Variants in LRRC56 observed in about 807,000 individuals in gnomAD.
LRRC56 encodes leucine-rich repeat-containing protein 56.
A neutral mutation model predicts 47.8 loss-of-function variants in LRRC56; 41 were observed. The ratio of observed to expected loss-of-function variants is 0.86; its 90% CI spans 0.67 to 1.11. The LOEUF (loss-of-function observed/expected upper bound fraction) is 1.11. LRRC56 is among the 50% of genes most tolerant of loss of function. The pLI is 0.00. For missense variants in LRRC56, 759 were observed against 704.2 expected, an observed-to-expected ratio of 1.08 and a Z score of -0.88; for synonymous variants, 387 against 311.2, an observed-to-expected ratio of 1.24 and a Z score of -2.56.
upstream of LRRC56, chr11:535,655 C>T (rs1346398405): frequency 6.6e-6 from 1 of 152,052 alleles, no homozygotes; most frequent in African/African-American, 2.4e-5. Context: ...CCCGCCCCAC[C>T]CCGGTTGGCT....
the LRRC56 span, among the ~76,000 whole-genome samples, chr11:508,868 A>AC: frequency 6.6e-6 from 1 of 150,728 alleles, no homozygotes; most frequent in Non-Finnish European, 1.5e-5. Flanking sequence ...AGATGATGAA[A>AC]CCCCATCTCT....
In LRRC56 at chr11:550,154, G is replaced by A. The variant is rs1271627313; in HGVS notation, c.506G>A (p.Gly169Asp). Reference protein sequence around the residue: ...LEQLEVLDLEGNSVEDLGQVR... With the variant: ...LEQLEVLDLEDNSVEDLGQVR... The stretch of plus-strand genomic sequence containing the variant: ...CAATTGGAGGTGCTGGACCTGGAGG[G>A]CAACAGCGTGGAGGACCTGGGGCAG... Residue 169 changes from glycine to aspartate, a missense_variant, in exon 8 of 14, where the codon GGC becomes GAC. Coordinates refer to ENST00000270115, the MANE Select transcript of LRRC56 (RefSeq NM_198075.4). 6.2e-7 allele frequency: 1 copy of A among 1,613,490 alleles called. No homozygotes were observed. Among genetic ancestry groups the A allele is most frequent in the African/African-American group, 1.3e-5 (1 of 75,040 alleles).
chr11:513,574 G>A, the LRRC56 span, among the ~76,000 whole-genome samples: 1 of 152,170 alleles, frequency 6.6e-6, no homozygotes, highest in Non-Finnish European at 1.5e-5. Context: ...GATAGGGTTC[G>A]AGAGGATTTT....
At chr11:530,472 G>T in the LRRC56 span, among the ~76,000 whole-genome samples, 1 of 138,634 alleles carries the variant, frequency 7.2e-6, no homozygotes, top group Non-Finnish European at 1.6e-5. Context: ...TGGAGAGAAG[G>T]GCGAGTGTGG....
chr11:552,042 C>T (rs371064616), intron 11 of LRRC56, 48 bp from the exon 12 acceptor site: 22 of 1,604,768 alleles, frequency 1.4e-5, no homozygotes, highest in Non-Finnish European at 1.9e-5. Context: ...CCTGCCCTGC[C>T]GCCATTCCAG....
chr11:544,929 G>A, intron 6 of LRRC56, 149 bp downstream of exon 6: 1 of 802,132 alleles, frequency 1.2e-6, no homozygotes, highest in Non-Finnish European at 2.0e-6. Context: ...CATCCTGCTG[G>A]CTGCCTGACC....
At chr11:508,920 C>T in the LRRC56 span, among the ~76,000 whole-genome samples, 2 of 152,138 alleles carry the variant, frequency 1.3e-5, no homozygotes, top group African/African-American at 4.8e-5. Context: ...TGGTGCATGC[C>T]TGTAATCCCA....
the LRRC56 span, among the ~76,000 whole-genome samples, chr11:511,140 T>C: frequency 1.3e-5 from 2 of 150,934 alleles, no homozygotes; most frequent in Middle Eastern, 6.9e-3. Flanking sequence ...GCTAACACGG[T>C]AAAACCGCGT....
At chr11:518,245 C>T in the LRRC56 span, among the ~76,000 whole-genome samples, 1 of 151,882 alleles carries the variant, frequency 6.6e-6, no homozygotes. Context: ...TGCAGTGGCC[C>T]ATCTCAGCTC....
chr11:546,835 G>C (rs1019879591), intron 6 of LRRC56, among the ~76,000 whole-genome samples: 3 of 152,054 alleles, frequency 2.0e-5, no homozygotes, highest in Non-Finnish European at 4.4e-5. Flanking sequence ...GGCGGATCAC[G>C]AGGTCAGGAG....
At chr11:516,065 A>G in the LRRC56 span, among the ~76,000 whole-genome samples, 1 of 152,118 alleles carries the variant, frequency 6.6e-6, no homozygotes, top group African/African-American at 2.4e-5. Flanking sequence ...CTATCCTGTT[A>G]CCAATGCCAC....
rs530613788 is a variant in LRRC56, at chr11:547,995, G to A, written c.327-1907G>A. ...ACAAAAATTAGCCGGGTGTGGTGGC[G>A]GGCACCTGTAATCACAGCTACTCGG... On this transcript the variant is annotated intron_variant, in intron 6 of 13. Transcript: ENST00000270115. Among the ~76,000 whole-genome samples, 6 of 151,980 alleles carry A rather than the reference G, an allele frequency of 3.9e-5. No homozygotes were observed. The East Asian group carries it at 9.8e-4, about 25-fold the overall frequency.
At position 554,418 on chromosome 11, in the gene LRRC56, G is replaced by A. The variant is rs1374738343; in HGVS notation, c.*142G>A. 9.9e-6 allele frequency: 7 copies of A among 708,178 alleles called. No individual in the cohort carries two copies. Among genetic ancestry groups the A allele is most frequent in the African/African-American group, 7.4e-5 (4 of 53,988 alleles). The allele number at this position is 708,178 out of a possible 1,614,324, so 43.9% of individuals were successfully genotyped here. ...TGGGGAGGACCCTCTTGGTGGAGGGGAGTGGGGGACTGGGACCAGCCAGGG... is the reference window on the plus strand; with the variant it reads ...TGGGGAGGACCCTCTTGGTGGAGGGAAGTGGGGGACTGGGACCAGCCAGGG... On this transcript the variant is annotated 3_prime_UTR_variant, in exon 14 of 14. Transcript: ENST00000270115.
chr11:541,529 T>G lies in LRRC56; in HGVS notation c.178-8T>G. On this transcript the variant is annotated splice_region_variant and splice_polypyrimidine_tract_variant and intron_variant, in intron 4 of 13. Transcript: ENST00000270115. This position sits in a 1 kb window ranked among gnomAD's most constrained non-coding sequence, Gnocchi z 4.1. ...GGACCAGCGCTGACCCCCGGTTGGTTTCTACAGCAGGCCCTGGCCCGGGTG... is the reference window on the plus strand; with the variant it reads ...GGACCAGCGCTGACCCCCGGTTGGTGTCTACAGCAGGCCCTGGCCCGGGTG... 6.5e-7 allele frequency: 1 copy of G among 1,541,542 alleles called. No individual in the cohort carries two copies.
chr11:530,568 G>A, the LRRC56 span, among the ~76,000 whole-genome samples: 2 of 73,362 alleles, frequency 2.7e-5, no homozygotes, highest in South Asian at 5.7e-4. Flanking sequence ...GGAGTGTGGC[G>A]TCCCCTGGAG....
the LRRC56 span, among the ~76,000 whole-genome samples, chr11:526,009 C>G: frequency 6.6e-6 from 1 of 152,066 alleles, no homozygotes; most frequent in East Asian, 1.9e-4. Flanking sequence ...AGTTCAAGAC[C>G]AGTATGGGCA....
At position 546,441 on chromosome 11, in the gene LRRC56, G is replaced by A. The variant is rs564425101; in HGVS notation, c.326+1661G>A. 8.6e-3 allele frequency among the ~76,000 whole-genome samples: 1,308 copies of A among 152,150 alleles called. 9 individuals are homozygous for A. Among genetic ancestry groups the A allele is most frequent in the Middle Eastern group, 0.027 (8 of 294 alleles). ...AAATTAGCCGGGCGTGGTGGTGGGC[G>A]CCTGTAGTCCCAGCTACTCGGGAGG... On this transcript the variant is annotated intron_variant, in intron 6 of 13. Coordinates refer to ENST00000270115, the MANE Select transcript of LRRC56 (RefSeq NM_198075.4).
rs752863572 is a variant in LRRC56, at chr11:550,087, TACA to T, written c.446_448del (p.Asn149del). ...CGCTGCCCAGGAACTCTACGCCTCC[TACA>T]ACAACATCTCGGACCTGAGCCCACT... On this transcript the variant is annotated inframe_deletion, in exon 8 of 14. Coordinates refer to ENST00000270115, the MANE Select transcript of LRRC56 (RefSeq NM_198075.4). The T allele has an allele frequency of 4.0e-5, 65 of 1,612,532 alleles. No homozygotes were observed. Among genetic ancestry groups the T allele is most frequent in the African/African-American group, 3.7e-4 (28 of 74,918 alleles).
intron 6 of LRRC56, among the ~76,000 whole-genome samples, chr11:548,749 C>T (rs974939250): frequency 2.0e-5 from 3 of 152,202 alleles, no homozygotes; most frequent in African/African-American, 7.2e-5. Flanking sequence ...TGAACCACCG[C>T]GCCCGGCCTC....
Sources: allele counts gnomAD v4.1 joint callset (sites outside exome capture counted in the v4.1 genomes callset), GRCh38; gene constraint gnomAD v4.1.1; non-coding constraint Gnocchi (gnomAD v3.1); transcripts MANE v1.5; gene names NCBI Gene and HGNC (gene_info 2026-07-23, HGNC 2026-07-21).